ENTREP2: variants seen among roughly 807,000 people sequenced by gnomAD.
ENTREP2 encodes endosomal transmembrane epsin interactor 2.
chr15:29,263,507 G>A, the ENTREP2 span, among the ~76,000 whole-genome samples: 2 of 152,214 alleles, frequency 1.3e-5, no homozygotes, highest in Non-Finnish European at 2.9e-5. Context: ...GAAGCTAAGC[G>A]CACCCATGTG....
chr15:29,395,826 G>A, the ENTREP2 span, among the ~76,000 whole-genome samples: 4 of 152,058 alleles, frequency 2.6e-5, no homozygotes, highest in East Asian at 3.9e-4. Context: ...GAGCCACCAC[G>A]CCAGCCATTG....
chr15:29,124,664 G>A, the ENTREP2 span: 8 of 1,547,836 alleles, frequency 5.2e-6, no homozygotes, highest in East Asian at 7.3e-5. Flanking sequence ...CAGTCAAAGC[G>A]CTTTAGAAAA....
chr15:29,345,637 G>T, the ENTREP2 span, among the ~76,000 whole-genome samples: 1 of 151,830 alleles, frequency 6.6e-6, no homozygotes, highest in African/African-American at 2.4e-5. Context: ...CACCCCCCAG[G>T]CTCACAGTGG....
chr15:29,243,969 T>C, the ENTREP2 span, among the ~76,000 whole-genome samples: 94,623 of 152,092 alleles, frequency 0.62, 29,575 homozygotes, highest in African/African-American at 0.66. Context: ...AATTCTAAGA[T>C]GAAACTGGAC....
chr15:29,542,832 C>T, the ENTREP2 span, among the ~76,000 whole-genome samples: 1 of 152,160 alleles, frequency 6.6e-6, no homozygotes, highest in African/African-American at 2.4e-5. Flanking sequence ...AGTATTTGTC[C>T]TTTGGGGACT....
chr15:29,473,785 G>T, the ENTREP2 span, among the ~76,000 whole-genome samples: 1 of 152,204 alleles, frequency 6.6e-6, no homozygotes, highest in African/African-American at 2.4e-5. Flanking sequence ...CTGGCAAATT[G>T]ACCTCAGGGC....
At chr15:29,459,189 C>T in the ENTREP2 span, among the ~76,000 whole-genome samples, 1 of 152,216 alleles carries the variant, frequency 6.6e-6, no homozygotes, top group Admixed American at 6.5e-5. Context: ...TCCATGCGTC[C>T]CCAGCCAGAC....
At chr15:29,594,853 TCAG>T in the ENTREP2 span, among the ~76,000 whole-genome samples, 1 of 151,532 alleles carries the variant, frequency 6.6e-6, no homozygotes, top group Non-Finnish European at 1.5e-5. Flanking sequence ...GATCACGAGG[TCAG>T]GAGATCGAGA....
At chr15:29,498,087 CTG>C in the ENTREP2 span, among the ~76,000 whole-genome samples, 1 of 152,152 alleles carries the variant, frequency 6.6e-6, no homozygotes, top group Non-Finnish European at 1.5e-5. Flanking sequence ...GTGTTAGTGA[CTG>C]AGTTCTCATG....
chr15:29,158,413 T>C, the ENTREP2 span, among the ~76,000 whole-genome samples: 2 of 150,966 alleles, frequency 1.3e-5, no homozygotes, highest in African/African-American at 2.4e-5. Flanking sequence ...GCCTTTTTTT[T>C]TTTTTTTTTT....
At chr15:29,384,454 A>C in the ENTREP2 span, among the ~76,000 whole-genome samples, 1 of 150,910 alleles carries the variant, frequency 6.6e-6, no homozygotes. Flanking sequence ...TCTTGTCTCC[A>C]CCTCCTCCCT....
At chr15:29,477,251 G>A in the ENTREP2 span, among the ~76,000 whole-genome samples, 1 of 152,126 alleles carries the variant, frequency 6.6e-6, no homozygotes, top group Non-Finnish European at 1.5e-5. Context: ...TCACCTTTGG[G>A]GGCAGTAAGT....
At chr15:29,413,027 T>G in the ENTREP2 span, among the ~76,000 whole-genome samples, 1 of 152,262 alleles carries the variant, frequency 6.6e-6, no homozygotes, top group Admixed American at 6.5e-5. Context: ...CTTCTTTGAT[T>G]AATGAGTTAT....
chr15:29,674,268 T>C, the ENTREP2 span, among the ~76,000 whole-genome samples: 18 of 152,030 alleles, frequency 1.2e-4, no homozygotes, highest in Non-Finnish European at 2.5e-4. Context: ...AGTTGTTTTT[T>C]TTGTTTTTGT....
the ENTREP2 span, among the ~76,000 whole-genome samples, chr15:29,319,082 T>G: frequency 6.6e-6 from 1 of 152,198 alleles, no homozygotes; most frequent in African/African-American, 2.4e-5. Flanking sequence ...CCATCTGCAC[T>G]GCATACTCAA....
chr15:29,254,269 CATAAAACTG>C, the ENTREP2 span, among the ~76,000 whole-genome samples: 1 of 149,684 alleles, frequency 6.7e-6, no homozygotes, highest in Non-Finnish European at 1.5e-5. Flanking sequence ...CAAAACTCTG[CATAAAACTG>C]ATAAAACTGA....
the ENTREP2 span, among the ~76,000 whole-genome samples, chr15:29,180,615 G>A: frequency 6.6e-6 from 1 of 152,048 alleles, no homozygotes; most frequent in Non-Finnish European, 1.5e-5. Flanking sequence ...AGTGAGCCGA[G>A]ATCACGCCAC....
the ENTREP2 span, among the ~76,000 whole-genome samples, chr15:29,150,907 CAGAA>C: frequency 7.2e-5 from 11 of 152,014 alleles, no homozygotes; most frequent in Non-Finnish European, 1.2e-4. Context: ...GACAGAGAGA[CAGAA>C]AGAGACCGAG....
the ENTREP2 span, among the ~76,000 whole-genome samples, chr15:29,574,808 TAG>T: frequency 1.3e-5 from 2 of 152,302 alleles, no homozygotes; most frequent in Non-Finnish European, 2.9e-5. Context: ...TCTTACGCAG[TAG>T]AGAGTTGTGC....
Sources: gnomAD v4.1 joint callset for allele counts (sites outside exome capture counted in the v4.1 genomes callset) on GRCh38, gnomAD v4.1.1 for gene constraint, MANE v1.5 for transcripts, NCBI Gene and HGNC (gene_info 2026-07-23, HGNC 2026-07-21) for gene names.